MIDEAS: variants seen among roughly 807,000 people sequenced by gnomAD.
MIDEAS encodes mitotic deacetylase-associated SANT domain protein.
In MIDEAS, 26 loss-of-function variants were observed where a neutral mutation model predicts 102.7. The observed-to-expected ratio is 0.25, with a 90% CI of 0.19 to 0.35. MIDEAS has a LOEUF of 0.35. Among genes scored for constraint, MIDEAS ranks in the 10% least tolerant of loss-of-function variants. MIDEAS has a pLI of 1.00. For missense variants in MIDEAS, 1,231 were observed against 1,435.6 expected (o/e 0.86, Z 2.30); for synonymous variants, 585 against 591.0 (o/e 0.99, Z 0.15).
At chr14:73,729,601 G>A (rs754890459) in intron 4 of MIDEAS, 39 bp downstream of exon 4, 73 of 1,533,706 alleles carry the variant, frequency 4.8e-5, no homozygotes, top group Non-Finnish European at 6.5e-5. Context: ...CAGTGCCCCA[G>A]CCCCGCTCCT....
intron 3 of MIDEAS, among the ~76,000 whole-genome samples, chr14:73,730,972 A>G (rs544172712): frequency 3.5e-5 from 5 of 144,110 alleles, no homozygotes; most frequent in Non-Finnish European, 7.9e-5. Context: ...AACAAAAAGG[A>G]AAAAGAAAAA....
intron 9 of MIDEAS, 110 bp from the exon 10 acceptor site, chr14:73,722,957 G>T (rs114483256): frequency 7.6e-7 from 1 of 1,314,914 alleles, no homozygotes; most frequent in East Asian, 2.3e-5. Flanking sequence ...AAGCCAAAAT[G>T]AAACCCAGCC....
intron 1 of MIDEAS, among the ~76,000 whole-genome samples, chr14:73,765,368 G>A (rs761913467): frequency 6.6e-6 from 1 of 152,214 alleles, no homozygotes; most frequent in Non-Finnish European, 1.5e-5. Flanking sequence ...ATGACCTTCA[G>A]CGAGTTACTC....
At chr14:73,751,040 G>A (rs2053412916) in intron 1 of MIDEAS, among the ~76,000 whole-genome samples, 2 of 152,328 alleles carry the variant, frequency 1.3e-5, no homozygotes, top group Middle Eastern at 3.4e-3. Context: ...TTGTAGAGAT[G>A]GAGTCTCACT....
intron 5 of MIDEAS, 36 bp downstream of exon 5, chr14:73,727,422 C>A (rs1363865410): frequency 1.2e-6 from 2 of 1,609,792 alleles, no homozygotes; most frequent in Admixed American, 1.7e-5. Context: ...AGTGTGGCCA[C>A]CCACACCCCT....
At chr14:73,763,960 G>A (rs2053572902), upstream of MIDEAS, among the ~76,000 whole-genome samples, 1 of 152,108 alleles carries the variant, frequency 6.6e-6, no homozygotes, top group South Asian at 2.1e-4. Context: ...ACTCAATCAT[G>A]CTATGTACAT....
intron 3 of MIDEAS, among the ~76,000 whole-genome samples, chr14:73,734,620 G>C (rs962723203): frequency 6.6e-6 from 1 of 151,602 alleles, no homozygotes; most frequent in Non-Finnish European, 1.5e-5. Context: ...GTAGAGATGG[G>C]GTCTCTCCTT....
intron 1 of MIDEAS, among the ~76,000 whole-genome samples, chr14:73,777,674 A>G (rs1316462569): frequency 6.6e-6 from 1 of 151,882 alleles, no homozygotes; most frequent in Non-Finnish European, 1.5e-5. Context: ...GTTTCTCAGC[A>G]CTCAGCTCAA....
chr14:73,761,354 C>A (rs1357540687), upstream of MIDEAS, among the ~76,000 whole-genome samples: 1 of 152,172 alleles, frequency 6.6e-6, no homozygotes, highest in Non-Finnish European at 1.5e-5. Context: ...AAACTTGGAT[C>A]TTCTGCCCAG....
rs536728056 is a variant in MIDEAS, at chr14:73,787,211, G to C, written c.-357C>G. 350 of 149,374 alleles carry C rather than the reference G, an allele frequency of 2.3e-3. 3 individuals are homozygous for C. The highest frequency in any genetic ancestry group is 0.023 in the South Asian group (111 of 4,824). The allele number at this position is 149,374 out of a possible 1,614,324, so 9.3% of individuals were successfully genotyped here. ...GACGGCGCAGTCGTCACTTCCTCGC[G>C]GAGCGGGCGGTGCGGCCCGGGCTGT... On this transcript the variant is annotated 5_prime_UTR_variant, in exon 1 of 12. Transcript: ENST00000394071.
At chr14:73,769,054 G>A (rs1363878091) in intron 1 of MIDEAS, among the ~76,000 whole-genome samples, 1 of 152,186 alleles carries the variant, frequency 6.6e-6, no homozygotes, top group Non-Finnish European at 1.5e-5. Context: ...TAACTCCTGG[G>A]CCAGATGCAT....
intron 3 of MIDEAS, among the ~76,000 whole-genome samples, chr14:73,734,248 G>A (rs1001327009): frequency 3.9e-5 from 6 of 152,168 alleles, no homozygotes; most frequent in African/African-American, 1.4e-4. Flanking sequence ...CTCCCAAAGT[G>A]CTGGGATTAC....
intron 1 of MIDEAS, among the ~76,000 whole-genome samples, chr14:73,746,655 G>A (rs1437612792): frequency 1.3e-5 from 2 of 152,192 alleles, no homozygotes; most frequent in South Asian, 2.1e-4. Flanking sequence ...AGCAGGGCTA[G>A]AGCAGGGCTC....
At chr14:73,774,021 CAA>C (rs11322935) in intron 1 of MIDEAS, among the ~76,000 whole-genome samples, 1,527 of 113,022 alleles carry the variant, frequency 0.014, 30 homozygotes, top group African/African-American at 0.044. Flanking sequence ...GACTGAATCT[CAA>C]AAAAAAAAAA....
rs74525189 is a variant in MIDEAS, at chr14:73,780,355, T to C, written c.-248+6747A>G. Among the ~76,000 whole-genome samples the C allele has an allele frequency of 4.5e-4, 68 of 152,274 alleles. No individual in the cohort carries two copies. In the East Asian group the frequency reaches 0.013, roughly 29 times the overall value. On this transcript the variant is annotated intron_variant, in intron 1 of 11. Transcript: ENST00000394071. ...CAGGATTTCTTCCACCATCTCTCCA[T>C]GGAAGCTGTGCTGACCACAAGCATT...
At chr14:73,731,754 A>G (rs1761565599) in intron 3 of MIDEAS, among the ~76,000 whole-genome samples, 1 of 152,234 alleles carries the variant, frequency 6.6e-6, no homozygotes, top group Non-Finnish European at 1.5e-5. Flanking sequence ...ACCCAGTGGC[A>G]TGGAGAAGCA....
chr14:73,715,770 A>G lies in MIDEAS; in HGVS notation c.*3073T>C, dbSNP rs1420084508. 1 of 152,578 alleles carries G rather than the reference A, an allele frequency of 6.6e-6. No homozygotes were observed. Among genetic ancestry groups the G allele is most frequent in the Non-Finnish European group, 1.5e-5 (1 of 68,048 alleles). 9.5% of individuals were successfully genotyped at this position (152,578 alleles called of 1,614,324 possible). Reference sequence around the variant, plus strand: ...ATCTTAACATCTGGCACATGAGAAGAAAGAGGTTAGGTCACTGAGGCAGTT... The same window carrying G: ...ATCTTAACATCTGGCACATGAGAAGGAAGAGGTTAGGTCACTGAGGCAGTT... On this transcript the variant is annotated 3_prime_UTR_variant, in exon 13 of 13. Transcript: ENST00000423556.
upstream of MIDEAS, among the ~76,000 whole-genome samples, chr14:73,762,010 A>G (rs749512028): frequency 6.6e-6 from 1 of 152,070 alleles, no homozygotes; most frequent in South Asian, 2.1e-4. Flanking sequence ...TACTTTTTTC[A>G]TTTGCCTGAT....
chr14:73,781,971 C>T (rs917376058), intron 1 of MIDEAS, among the ~76,000 whole-genome samples: 2 of 151,994 alleles, frequency 1.3e-5, no homozygotes, highest in Non-Finnish European at 2.9e-5. Flanking sequence ...GCAGGAGAAT[C>T]GCTTGAACCT....
Sources: allele counts gnomAD v4.1 joint callset (sites outside exome capture counted in the v4.1 genomes callset), GRCh38; gene constraint gnomAD v4.1.1; transcripts MANE v1.5; gene names NCBI Gene and HGNC (gene_info 2026-07-23, HGNC 2026-07-21).